DCHS2: variants seen among roughly 807,000 people sequenced by gnomAD.
The protein encoded by DCHS2 is protocadherin-23.
In DCHS2, 142 loss-of-function variants were observed where a neutral mutation model predicts 182.4. The ratio of observed to expected loss-of-function variants is 0.78; its 90% CI spans 0.68 to 0.89. The LOEUF is 0.89. Ranked by LOEUF, DCHS2 falls within the 40% of genes least tolerant of loss-of-function variation. The probability of loss-of-function intolerance (pLI) is 0.00; values close to 1 mark genes in which losing one functional copy is unlikely to be tolerated. For synonymous variants in DCHS2, 1,740 were observed against 1,663.3 expected (o/e 1.05, Z -1.12); for missense variants, 4,319 against 4,198.6 (o/e 1.03, Z -0.79).
chr4:154,338,509 G>A (rs1381794599), intron 3 of DCHS2, among the ~76,000 whole-genome samples: 4 of 152,130 alleles, frequency 2.6e-5, no homozygotes, highest in Admixed American at 2.6e-4. Context: ...ATAATACCCA[G>A]AGTTAATAGC....
chr4:154,352,995 C>T (rs544878629), intron 3 of DCHS2, among the ~76,000 whole-genome samples: 13 of 152,088 alleles, frequency 8.5e-5, no homozygotes, highest in Non-Finnish European at 2.9e-5. Context: ...GCTTCTGTAT[C>T]CCCAGTAGAT....
chr4:154,332,156 G>T (rs1736563166), intron 5 of DCHS2, among the ~76,000 whole-genome samples: 1 of 152,200 alleles, frequency 6.6e-6, no homozygotes, highest in African/African-American at 2.4e-5. Flanking sequence ...ATTCAATCCA[G>T]TTCTGACTAT....
intron 3 of DCHS2, among the ~76,000 whole-genome samples, chr4:154,359,325 A>T (rs1368021196): frequency 1.3e-5 from 2 of 151,932 alleles, no homozygotes; most frequent in Non-Finnish European, 2.9e-5. Context: ...GAACTTAAAG[A>T]TATATATATA....
intron 1 of DCHS2, among the ~76,000 whole-genome samples, chr4:154,389,676 T>A (rs1164460945): frequency 2.0e-5 from 3 of 152,012 alleles, no homozygotes; most frequent in Non-Finnish European, 4.4e-5. Flanking sequence ...AATGGATTTA[T>A]TACAGGATCC....
intron 1 of DCHS2, among the ~76,000 whole-genome samples, chr4:154,473,434 T>G (rs1735556696): frequency 6.6e-6 from 1 of 152,104 alleles, no homozygotes; most frequent in Non-Finnish European, 1.5e-5. Flanking sequence ...CTCTGATCAT[T>G]AAGAGGAAGG....
At chr4:154,304,568 G>A (rs1005129367) in intron 12 of DCHS2, 101 bp downstream of exon 12, 3 of 1,016,028 alleles carry the variant, frequency 3.0e-6, no homozygotes, top group Non-Finnish European at 2.8e-6. Flanking sequence ...GGGAGGTGAA[G>A]TTGCAGTGAG....
At chr4:154,393,398 T>C (rs545974072) in intron 1 of DCHS2, among the ~76,000 whole-genome samples, 2 of 152,326 alleles carry the variant, frequency 1.3e-5, no homozygotes, top group African/African-American at 4.8e-5. Flanking sequence ...ATGGGCTTCA[T>C]ATTTTAACAC....
In DCHS2 at chr4:154,304,811, A is replaced by C. The variant is rs1278242804; in HGVS notation, c.5463T>G (p.Asp1821Glu). 1 of 1,613,888 alleles carries C rather than the reference A, an allele frequency of 6.2e-7. No individual in the cohort carries two copies. ...TAAACTCTGGTGCGTGATCGTTTTC[A>C]TCTTCAACAGTGCAGAGGATTGTTG... The part of the protein sequence containing the change: ...STTTILCTVE[D>E]ENDHAPEFIV... Residue 1821 changes from aspartate to glutamate, a missense_variant, in exon 12 of 20, where the codon GAT (aspartate) becomes GAG (glutamate). Asp to Glu is a conservative substitution (Grantham distance 45). Coordinates refer to ENST00000357232, the MANE Select transcript of DCHS2 (RefSeq NM_001358235.2).
Position 154,234,716 on chromosome 4 carries a change from G to A in DCHS2, c.9936C>T (p.Pro3312=). ...GQVPPKHPRS[P]IPYHLGSLPE... ...GCAGAGAACCAAGATGGTAGGGGAT[G>A]GGAGAGCGTGGGTGTTTCGGAGGCA... The change falls in exon 20 of 20, where the codon CCC becomes CCT. Residue 3312 remains proline, a synonymous_variant. Transcript: ENST00000357232. 1 of 1,614,040 alleles carries A rather than the reference G, an allele frequency of 6.2e-7. No individual in the cohort carries two copies. Among genetic ancestry groups the A allele is most frequent in the Non-Finnish European group, 8.5e-7 (1 of 1,179,962 alleles).
chr4:154,237,849 T>C (rs1384962987), intron 19 of DCHS2, among the ~76,000 whole-genome samples: 1 of 152,202 alleles, frequency 6.6e-6, no homozygotes, highest in Non-Finnish European at 1.5e-5. Context: ...AGTCCCACCA[T>C]GAACTAAATC....
rs187892987 is a variant in DCHS2 at position 154,490,168 on chromosome 4, C to T, written c.1188G>A (p.Thr396=). ...RDGGAEPEVA[T]VRVSIAVLDV... Reference sequence around the variant, plus strand: ...CCAGCACGGCGATGGACACGCGCACCGTGGCAACCTCAGGCTCGGCGCCTC... The same window carrying T: ...CCAGCACGGCGATGGACACGCGCACTGTGGCAACCTCAGGCTCGGCGCCTC... The change falls in exon 1 of 20, where the codon ACG becomes ACA. Residue 396 remains threonine (T), a synonymous_variant. Coordinates refer to ENST00000357232, the MANE Select transcript of DCHS2 (RefSeq NM_001358235.2). 6,832 of 1,549,434 alleles carry T rather than the reference C, an allele frequency of 4.4e-3. 217 individuals are homozygous for T. The South Asian group carries it at 0.061, about 14-fold the overall frequency.
At chr4:154,241,991 G>T (rs940384997) in intron 17 of DCHS2, among the ~76,000 whole-genome samples, 1 of 152,046 alleles carries the variant, frequency 6.6e-6, no homozygotes, top group African/African-American at 2.4e-5. Flanking sequence ...AGAGGCAAGC[G>T]AGGGTCACCA....
At chr4:154,381,231 T>C (rs1284953540) in intron 1 of DCHS2, among the ~76,000 whole-genome samples, 2 of 152,132 alleles carry the variant, frequency 1.3e-5, no homozygotes, top group Admixed American at 1.3e-4. Context: ...TACTTTTCAC[T>C]GTAAACTTCT....
Position 154,491,251 on chromosome 4 carries a change from C to G in DCHS2, c.105G>C (p.Arg35=). Reference sequence around the variant, plus strand: ...GCGTCCTGGCGCCGCTGCTGCCTGACCGCCCATGGGGTGTATCTCTCCTCC... The same window carrying G: ...GCGTCCTGGCGCCGCTGCTGCCTGAGCGCCCATGGGGTGTATCTCTCCTCC... ...LPGRRDTPHG[R]SGSSGARTQR... The change falls in exon 1 of 20, where the codon CGG becomes CGC. Residue 35 remains arginine (R), a synonymous_variant. Coordinates refer to ENST00000357232, the MANE Select transcript of DCHS2 (RefSeq NM_001358235.2). 1 of 1,551,404 alleles carries G rather than the reference C, an allele frequency of 6.4e-7. No individual in the cohort carries two copies.
rs1276402340 is a variant in DCHS2 at position 154,242,577 on chromosome 4, A to G, written c.7072+65T>C. 29 of 1,554,406 alleles carry G rather than the reference A, an allele frequency of 1.9e-5. No homozygotes were observed. The East Asian group carries it at 6.7e-4, about 36-fold the overall frequency. The stretch of plus-strand genomic sequence containing the variant: ...ACTCATGTTAATACAGTGTCTGGCT[A>G]AAGAAAATGGTAAATGATATTATAC... On this transcript the variant is annotated intron_variant, in intron 17 of 19. Transcript: ENST00000357232.
At position 154,240,730 on chromosome 4, in the gene DCHS2, G is replaced by A. The variant is rs762865135; in HGVS notation, c.7166C>T (p.Pro2389Leu). 6.2e-7 allele frequency: 1 copy of A among 1,613,898 alleles called. No homozygotes were observed. The highest frequency in any genetic ancestry group is 8.5e-7 in the Non-Finnish European group (1 of 1,179,898). ...FIFSFAKESNPGTKFAIDQNT... is the reference protein window; with the variant it reads ...FIFSFAKESNLGTKFAIDQNT... ...CTGATCAATAGCAAACTTGGTTCCA[G>A]GATTACTCTCTTTGGCAAAACTGAA... Residue 2389 changes from proline to leucine, a missense_variant, in exon 18 of 20, where the codon CCT becomes CTT. Physicochemically the swap from Pro to Leu is moderately conservative, Grantham distance 98 (BLOSUM62 -3). Transcript: ENST00000357232.
intron 10 of DCHS2, among the ~76,000 whole-genome samples, chr4:154,309,571 T>C (rs1735591792): frequency 6.6e-6 from 1 of 152,182 alleles, no homozygotes. Flanking sequence ...CCTTCTTGCT[T>C]ACTCATTCAT....
intron 1 of DCHS2, among the ~76,000 whole-genome samples, chr4:154,419,743 A>G (rs1206055534): frequency 6.6e-6 from 1 of 150,826 alleles, no homozygotes; most frequent in East Asian, 2.0e-4. Flanking sequence ...ATCTAAGTCC[A>G]TATGAAGATG....
At chr4:154,405,335 G>A (rs147831918) in intron 1 of DCHS2, among the ~76,000 whole-genome samples, 15 of 151,846 alleles carry the variant, frequency 9.9e-5, no homozygotes, top group African/African-American at 3.4e-4. Context: ...ATGATTTGCT[G>A]AAGTGTATTT....
Sources: gnomAD v4.1 joint callset for allele counts (sites outside exome capture counted in the v4.1 genomes callset) on GRCh38, gnomAD v4.1.1 for gene constraint, MANE v1.5 for transcripts, NCBI Gene and HGNC (gene_info 2026-07-23, HGNC 2026-07-21) for gene names.